Variants in CSK observed in about 807,000 individuals in gnomAD.
CSK encodes C-terminal Src kinase.
Under a neutral mutation model 62.3 loss-of-function variants are expected in CSK, and 7 were observed. That is an observed-to-expected ratio of 0.11 (90% CI 0.06 to 0.21). CSK has a LOEUF of 0.21. CSK is among the 10% of genes least tolerant of loss of function. The pLI, the probability that CSK is intolerant of heterozygous loss-of-function variation, is 1.00. For synonymous variants in CSK, 237 were observed against 246.0 expected, an observed-to-expected ratio of 0.96 and a Z score of 0.34; for missense variants, 294 against 613.5, an observed-to-expected ratio of 0.48 and a Z score of 5.50.
chr15:74,788,302 ACCTC>A (rs1220988868), intron 1 of CSK, among the ~76,000 whole-genome samples: 1 of 151,264 alleles, frequency 6.6e-6, no homozygotes, highest in Non-Finnish European at 1.5e-5. Context: ...CTCTGGGCAG[ACCTC>A]CCCTCGGTGC....
Position 74,800,992 on chromosome 15 carries a change from C to A in CSK, c.723-20C>A. ...TGAGGCACCAGCTTCCCCTTTCTGA[C>A]CACTCTCGTCCTGCCCCAGGCAACT... On this transcript the variant is annotated intron_variant, in intron 8 of 12. Coordinates refer to ENST00000220003, the MANE Select transcript of CSK (RefSeq NM_004383.3). 6.2e-7 allele frequency: 1 copy of A among 1,613,110 alleles called. No individual in the cohort carries two copies. The highest frequency in any genetic ancestry group is 8.5e-7 in the Non-Finnish European group (1 of 1,179,968).
At chr15:74,792,318 G>C (rs2063634328) in intron 1 of CSK, among the ~76,000 whole-genome samples, 1 of 152,166 alleles carries the variant, frequency 6.6e-6, no homozygotes, top group African/African-American at 2.4e-5. Flanking sequence ...AAAGGAGGAG[G>C]AGAGAGTGTG....
At position 74,801,977 on chromosome 15, in the gene CSK, T is replaced by G; in HGVS notation, c.1084-20T>G. On this transcript the variant is annotated intron_variant, in intron 11 of 12. Coordinates refer to ENST00000220003, the MANE Select transcript of CSK (RefSeq NM_004383.3). ...CTGGAGTCCCAGGATCTGACGCTGC[T>G]TCTTCCATCCACATGGCAGAAATTC... is the stretch of plus-strand genomic sequence containing the variant. The G allele has an allele frequency of 6.2e-7, 1 of 1,613,260 alleles. No homozygotes were observed. Among genetic ancestry groups the G allele is most frequent in the Non-Finnish European group, 8.5e-7 (1 of 1,179,564 alleles).
At chr15:74,801,181 C>T in intron 9 of CSK, 79 bp downstream of exon 9, 1 of 1,515,340 alleles carries the variant, frequency 6.6e-7, no homozygotes, top group East Asian at 2.3e-5. Context: ...CCCCTGCTCC[C>T]TCAGTCCCCC....
intron 4 of CSK, 142 bp from the exon 5 acceptor site, chr15:74,799,130 C>G: frequency 9.9e-7 from 1 of 1,014,956 alleles, no homozygotes; most frequent in Non-Finnish European, 1.4e-6. Flanking sequence ...AAAGAAGGGA[C>G]AGGGAGCAGA....
At chr15:74,797,941 C>G in intron 1 of CSK, 1 of 211,732 alleles carries the variant, frequency 4.7e-6, no homozygotes, top group Non-Finnish European at 9.5e-6. Context: ...AGGCCTGGGG[C>G]TGACGGTCAG....
At chr15:74,795,731 G>C (rs955556005) in intron 1 of CSK, among the ~76,000 whole-genome samples, 1 of 151,936 alleles carries the variant, frequency 6.6e-6, no homozygotes, top group Non-Finnish European at 1.5e-5. Flanking sequence ...AACAACACAG[G>C]GGTTGAGGGC....
intron 1 of CSK, among the ~76,000 whole-genome samples, chr15:74,786,086 C>T (rs551220199): frequency 6.9e-6 from 1 of 144,642 alleles, no homozygotes; most frequent in Non-Finnish European, 1.5e-5. Context: ...AGTGCAATGG[C>T]GCGATCTTGG....
intron 1 of CSK, among the ~76,000 whole-genome samples, chr15:74,795,121 C>T (rs1386288603): frequency 3.3e-5 from 5 of 152,106 alleles, no homozygotes; most frequent in African/African-American, 2.4e-5. Flanking sequence ...GACACCTTTG[C>T]TCAGACTGCT....
chr15:74,797,519 A>C (rs1218237298), intron 1 of CSK, among the ~76,000 whole-genome samples: 1 of 152,198 alleles, frequency 6.6e-6, no homozygotes, highest in African/African-American at 2.4e-5. Context: ...GCCAGACTCC[A>C]TCTCAAAAAA....
chr15:74,800,521 C>T lies in CSK; in HGVS notation c.556+16C>T, dbSNP rs764267473. 5.0e-5 allele frequency: 80 copies of T among 1,610,146 alleles called. No individual in the cohort carries two copies. Among genetic ancestry groups the T allele is most frequent in the Non-Finnish European group, 6.5e-5 (77 of 1,178,298 alleles). On this transcript the variant is annotated intron_variant, in intron 6 of 12. Transcript: ENST00000220003. ...TTCTACCGCAGTGAGTGCACCCCAC[C>T]CCAGACCTCTTGCCCACCCACCTCC...
chr15:74,800,962 A>G (rs778683684), intron 8 of CSK, 40 bp downstream of exon 8: 1 of 1,612,762 alleles, frequency 6.2e-7, no homozygotes. Context: ...GGCCTAGGTT[A>G]GGAGTGAGGC....
rs1450511331 is a variant in CSK, at chr15:74,801,823, C to T, written c.1016C>T (p.Ala339Val). The change falls in exon 11 of 13, where the codon GCG becomes GTG. Residue 339 changes from alanine to valine, a missense_variant. Physicochemically the swap from Ala to Val is moderately conservative, Grantham distance 64. Coordinates refer to ENST00000220003, the MANE Select transcript of CSK (RefSeq NM_004383.3). ...KVSDFGLTKE[A>V]SSTQDTGKLP... ...AGCGACTTTGGTCTCACCAAGGAGGCGTCCAGCACCCAGGACACGGGCAAG... is the reference window on the plus strand; with the variant it reads ...AGCGACTTTGGTCTCACCAAGGAGGTGTCCAGCACCCAGGACACGGGCAAG... 4.3e-6 allele frequency: 7 copies of T among 1,613,830 alleles called. No individual in the cohort carries two copies. The highest frequency in any genetic ancestry group is 5.9e-6 in the Non-Finnish European group (7 of 1,179,974).
intron 1 of CSK, among the ~76,000 whole-genome samples, chr15:74,796,593 CAAA>C (rs553348497): frequency 1.0e-4 from 10 of 98,296 alleles, no homozygotes; most frequent in Non-Finnish European, 1.0e-4. Flanking sequence ...GACCCTTTCT[CAAA>C]AAAAAAAAAA....
intron 9 of CSK, 45 bp from the exon 10 acceptor site, chr15:74,801,477 C>T: frequency 1.3e-6 from 2 of 1,577,358 alleles, no homozygotes; most frequent in Non-Finnish European, 8.6e-7. Flanking sequence ...GAGAGGGCTG[C>T]AGGGCACGTC....
In CSK at chr15:74,801,989, C is replaced by T. The variant is rs2063800085; in HGVS notation, c.1084-8C>T. The stretch of plus-strand genomic sequence containing the variant: ...GATCTGACGCTGCTTCTTCCATCCA[C>T]ATGGCAGAAATTCTCCACTAAGTCT... On this transcript the variant is annotated splice_region_variant and splice_polypyrimidine_tract_variant and intron_variant, in intron 11 of 12. Coordinates refer to ENST00000220003, the MANE Select transcript of CSK (RefSeq NM_004383.3). 2 of 1,613,348 alleles carry T rather than the reference C, an allele frequency of 1.2e-6. No individual in the cohort carries two copies. The highest frequency in any genetic ancestry group is 1.3e-5 in the African/African-American group (1 of 74,938).
At chr15:74,785,159 A>G (rs2063496370) in intron 1 of CSK, among the ~76,000 whole-genome samples, 1 of 152,232 alleles carries the variant, frequency 6.6e-6, no homozygotes, top group African/African-American at 2.4e-5. Flanking sequence ...GTTCACTGCC[A>G]GTCTTTTCCC....
chr15:74,797,997 T>C (rs969167752), intron 1 of CSK: 1 of 363,368 alleles, frequency 2.8e-6, no homozygotes, highest in African/African-American at 2.1e-5. Flanking sequence ...CTATCAGTCC[T>C]GGAAGGCCCC....
At position 74,800,524 on chromosome 15, in the gene CSK, A is replaced by G; in HGVS notation, c.556+19A>G. The G allele has an allele frequency of 6.2e-7, 1 of 1,607,912 alleles. No homozygotes were observed. The highest frequency in any genetic ancestry group is 8.5e-7 in the Non-Finnish European group (1 of 1,177,038). ...TACCGCAGTGAGTGCACCCCACCCC[A>G]GACCTCTTGCCCACCCACCTCCTCC... On this transcript the variant is annotated intron_variant, in intron 6 of 12. Coordinates refer to ENST00000220003, the MANE Select transcript of CSK (RefSeq NM_004383.3).
Sources: gnomAD v4.1 joint callset for allele counts (sites outside exome capture counted in the v4.1 genomes callset) on GRCh38, gnomAD v4.1.1 for gene constraint, MANE v1.5 for transcripts, NCBI Gene and HGNC (gene_info 2026-07-23, HGNC 2026-07-21) for gene names.